The following MAMDC2 variants were observed in gnomAD, a reference collection of about 807,000 sequenced individuals.
MAMDC2 encodes the protein MAM domain-containing protein 2.
In MAMDC2, 57 loss-of-function variants were observed where a neutral mutation model predicts 89.8. The ratio of observed to expected loss-of-function variants is 0.63; its 90% CI spans 0.51 to 0.79. MAMDC2 has a LOEUF of 0.79. MAMDC2 is among the 30% of genes least tolerant of loss of function. MAMDC2 has a pLI of 0.00. For missense variants in MAMDC2, 800 were observed against 820.6 expected, an observed-to-expected ratio of 0.97 and a Z score of 0.31; for synonymous variants, 313 against 293.4, an observed-to-expected ratio of 1.07 and a Z score of -0.68.
intron 2 of MAMDC2, among the ~76,000 whole-genome samples, chr9:70,050,532 T>C (rs1052481207): frequency 6.6e-6 from 1 of 152,230 alleles, no homozygotes. Context: ...AAAATTGAGA[T>C]AGTAAAAGTA....
At chr9:70,090,631 T>C (rs1223634064) in intron 2 of MAMDC2, 1 of 152,170 alleles carries the variant, frequency 6.6e-6, no homozygotes, top group Non-Finnish European at 1.5e-5. Context: ...ATGGGGAAAG[T>C]GCTCTAATAC....
intron 9 of MAMDC2, among the ~76,000 whole-genome samples, chr9:70,145,721 G>A (rs767306388): frequency 6.6e-6 from 1 of 151,744 alleles, no homozygotes; most frequent in Admixed American, 6.6e-5. Flanking sequence ...TTATTCATTT[G>A]GCTTTGATTT....
chr9:70,181,788 A>G (rs2032651314), intron 11 of MAMDC2, among the ~76,000 whole-genome samples: 1 of 152,170 alleles, frequency 6.6e-6, no homozygotes, highest in Non-Finnish European at 1.5e-5. Flanking sequence ...ATATACAATC[A>G]TGTCATCTGC....
chr9:70,161,693 A>T (rs1190619810), intron 9 of MAMDC2, among the ~76,000 whole-genome samples: 2 of 152,232 alleles, frequency 1.3e-5, no homozygotes, highest in Non-Finnish European at 2.9e-5. Flanking sequence ...GAAATTTTTT[A>T]AAAACTCTAT....
chr9:70,070,672 C>A (rs1009823954), intron 2 of MAMDC2, among the ~76,000 whole-genome samples: 1 of 152,136 alleles, frequency 6.6e-6, no homozygotes, highest in Non-Finnish European at 1.5e-5. Context: ...TTGTGGCCTG[C>A]AAGTTGAGTA....
At chr9:70,201,943 T>C (rs1308852866) in intron 11 of MAMDC2, among the ~76,000 whole-genome samples, 1 of 148,898 alleles carries the variant, frequency 6.7e-6, no homozygotes, top group Non-Finnish European at 1.5e-5. Context: ...TTCTTCTCTC[T>C]TTTTTTCTTT....
chr9:70,129,675 T>C (rs2030709150), intron 6 of MAMDC2, among the ~76,000 whole-genome samples: 2 of 152,176 alleles, frequency 1.3e-5, no homozygotes, highest in Non-Finnish European at 2.9e-5. Context: ...TTTTAATTAA[T>C]TGCCAGCATT....
intron 1 of MAMDC2, 34 bp downstream of exon 1, chr9:70,044,265 G>T (rs1826676996): frequency 6.2e-7 from 1 of 1,606,850 alleles, no homozygotes; most frequent in East Asian, 2.2e-5. Flanking sequence ...CCCCGGGGGC[G>T]CTCTGACGAC....
intron 11 of MAMDC2, among the ~76,000 whole-genome samples, chr9:70,207,377 C>T (rs1325398162): frequency 6.6e-6 from 1 of 152,174 alleles, no homozygotes; most frequent in Non-Finnish European, 1.5e-5. Context: ...TCTCTGATGG[C>T]CAGTGCTGAT....
At chr9:70,163,229 C>CTTTCTT (rs1554677343) in intron 9 of MAMDC2, among the ~76,000 whole-genome samples, 1 of 125,128 alleles carries the variant, frequency 8.0e-6, no homozygotes, top group African/African-American at 3.0e-5. Context: ...TTCTTTCTTT[C>CTTTCTT]TTTTTTTTTT....
intron 9 of MAMDC2, among the ~76,000 whole-genome samples, chr9:70,156,454 C>T (rs2031768434): frequency 6.6e-6 from 1 of 152,150 alleles, no homozygotes; most frequent in Non-Finnish European, 1.5e-5. Context: ...GTAGACAAGA[C>T]ACATGAGAGG....
At chr9:70,075,994 T>A (rs1827522122) in intron 2 of MAMDC2, among the ~76,000 whole-genome samples, 1 of 152,208 alleles carries the variant, frequency 6.6e-6, no homozygotes, top group Non-Finnish European at 1.5e-5. Flanking sequence ...AGGAACAGTG[T>A]GCTCCCGAAA....
At chr9:70,070,778 A>G (rs909056889) in intron 2 of MAMDC2, among the ~76,000 whole-genome samples, 5 of 151,952 alleles carry the variant, frequency 3.3e-5, no homozygotes, top group African/African-American at 1.2e-4. Flanking sequence ...GTCTTATCCC[A>G]TTTCTTATTT....
At chr9:70,199,693 C>T (rs1265060475) in intron 11 of MAMDC2, among the ~76,000 whole-genome samples, 12 of 113,524 alleles carry the variant, frequency 1.1e-4, no homozygotes, top group African/African-American at 3.4e-4. Context: ...CCTATTTCTC[C>T]ACATCCTCTC....
chr9:70,159,502 G>T (rs1030574176), intron 9 of MAMDC2, among the ~76,000 whole-genome samples: 3 of 152,176 alleles, frequency 2.0e-5, no homozygotes, highest in African/African-American at 7.2e-5. Context: ...ATGTCTCAGA[G>T]GTGGGTAGGG....
intron 11 of MAMDC2, among the ~76,000 whole-genome samples, chr9:70,207,545 G>A (rs191490670): frequency 3.1e-4 from 47 of 152,258 alleles, no homozygotes; most frequent in Middle Eastern, 3.4e-3. Flanking sequence ...TTTGTCAGAT[G>A]GGAAGATTGT....
intron 2 of MAMDC2, among the ~76,000 whole-genome samples, chr9:70,055,100 A>G (rs1826999162): frequency 6.6e-6 from 1 of 152,042 alleles, no homozygotes; most frequent in South Asian, 2.1e-4. Context: ...GCTGCAGGAG[A>G]ATGTTTTAGG....
intron 11 of MAMDC2, among the ~76,000 whole-genome samples, chr9:70,173,990 A>G (rs1230099951): frequency 6.6e-6 from 1 of 152,230 alleles, no homozygotes; most frequent in African/African-American, 2.4e-5. Context: ...TTAAAAACTG[A>G]AAGGCTTTGG....
At chr9:70,163,918 T>TA (rs982926841) in intron 9 of MAMDC2, among the ~76,000 whole-genome samples, 33 of 135,234 alleles carry the variant, frequency 2.4e-4, no homozygotes, top group Admixed American at 6.7e-4. Context: ...CACACCACTG[T>TA]ACTCCAGCCT....
Sources: allele counts gnomAD v4.1 joint callset (sites outside exome capture counted in the v4.1 genomes callset), GRCh38; gene constraint gnomAD v4.1.1; transcripts MANE v1.5; gene names NCBI Gene and HGNC (gene_info 2026-07-23, HGNC 2026-07-21).